Variants in RAPGEF2 observed in about 807,000 individuals in gnomAD.
RAPGEF2 encodes PDZ domain containing guanine nucleotide exchange factor (GEF) 1.
RAPGEF2 carries 54 observed loss-of-function variants against 186.7 expected under a neutral mutation model. The observed-to-expected ratio is 0.29, with a 90% CI of 0.23 to 0.36. The LOEUF is 0.36. RAPGEF2 is among the 10% of genes least tolerant of loss of function. The pLI, the probability that RAPGEF2 is intolerant of heterozygous loss-of-function variation, is 1.00. For synonymous variants in RAPGEF2, 712 were observed against 705.9 expected (o/e 1.01, Z -0.14); for missense variants, 1,532 against 2,045.0 (o/e 0.75, Z 4.84).
intron 1 of RAPGEF2, among the ~76,000 whole-genome samples, chr4:159,181,382 C>A (rs1282189730): frequency 6.6e-6 from 1 of 152,060 alleles, no homozygotes; most frequent in African/African-American, 2.4e-5. Context: ...TCCAGATACA[C>A]TTTTCTGGTC....
chr4:159,286,484 AGAT>A (rs2110927558), intron 7 of RAPGEF2, among the ~76,000 whole-genome samples: 1 of 152,310 alleles, frequency 6.6e-6, no homozygotes, highest in South Asian at 2.1e-4. Context: ...TATAAAATGT[AGAT>A]CAAACTGTTA....
chr4:159,263,800 TAGAA>T (rs1757137635), intron 7 of RAPGEF2, among the ~76,000 whole-genome samples: 1 of 152,124 alleles, frequency 6.6e-6, no homozygotes. Flanking sequence ...TCATAGTAAT[TAGAA>T]AGTGAATACT....
At chr4:159,215,665 AAAC>A (rs924022465) in intron 4 of RAPGEF2, among the ~76,000 whole-genome samples, 1 of 152,258 alleles carries the variant, frequency 6.6e-6, no homozygotes, top group African/African-American at 2.4e-5. Flanking sequence ...ATTTAATCAT[AAAC>A]AACATCTTTA....
At chr4:159,164,270 CT>C (rs1745052976) in intron 1 of RAPGEF2, among the ~76,000 whole-genome samples, 9 of 150,296 alleles carry the variant, frequency 6.0e-5, no homozygotes, top group Admixed American at 6.0e-4. Context: ...TCCCAAAGTG[CT>C]GGGATTACAG....
intron 1 of RAPGEF2, among the ~76,000 whole-genome samples, chr4:159,113,773 T>C (rs929758433): frequency 6.6e-6 from 1 of 151,424 alleles, no homozygotes; most frequent in African/African-American, 2.4e-5. Flanking sequence ...TATCTTTTTT[T>C]CCAGTTTAAT....
intron 1 of RAPGEF2, among the ~76,000 whole-genome samples, chr4:159,175,671 G>A (rs918095097): frequency 2.0e-5 from 3 of 152,146 alleles, no homozygotes; most frequent in African/African-American, 7.2e-5. Flanking sequence ...CGAGACCGGC[G>A]ACTGCTTTTG....
rs28401744 is a variant in RAPGEF2, at chr4:159,349,587, T to C, written c.3713-550T>C. ...CCGCCCTTCTCTTTCATCTGTTTAC[T>C]TGATCAAGTATTAACTGCATGGAAT... On this transcript the variant is annotated intron_variant, in intron 25 of 29. Coordinates refer to ENST00000691494, the MANE Select transcript of RAPGEF2 (RefSeq NM_001394067.2). Among the ~76,000 whole-genome samples, 1,108 of 152,334 alleles carry C rather than the reference T, an allele frequency of 7.3e-3. 11 individuals are homozygous for C. Among genetic ancestry groups the C allele is most frequent in the African/African-American group, 0.025 (1,047 of 41,566 alleles).
At chr4:159,340,134 A>G (rs2111254192) in intron 19 of RAPGEF2, among the ~76,000 whole-genome samples, 1 of 152,302 alleles carries the variant, frequency 6.6e-6, no homozygotes, top group Non-Finnish European at 1.5e-5. Flanking sequence ...AGTTCCATAA[A>G]TCATATTTTT....
intron 3 of RAPGEF2, among the ~76,000 whole-genome samples, chr4:159,207,616 A>C (rs1352118625): frequency 1.3e-5 from 2 of 152,226 alleles, no homozygotes; most frequent in Admixed American, 1.3e-4. Flanking sequence ...TAATCCTTGC[A>C]GCAGCCTAGT....
intron 4 of RAPGEF2, among the ~76,000 whole-genome samples, chr4:159,226,762 A>G (rs1433433040): frequency 6.6e-6 from 1 of 152,120 alleles, no homozygotes; most frequent in Non-Finnish European, 1.5e-5. Context: ...ACTTCAGTCT[A>G]TAAGGGAGAG....
At chr4:159,219,347 CTTTTTTTTTTTTT>C (rs70962664) in intron 4 of RAPGEF2, among the ~76,000 whole-genome samples, 3 of 81,420 alleles carry the variant, frequency 3.7e-5, no homozygotes, top group East Asian at 3.0e-4. Context: ...CAACTGTATC[CTTTTTTTTTTTTT>C]TTTTTTTTTT....
At chr4:159,113,400 G>GT (rs916117969) in intron 1 of RAPGEF2, among the ~76,000 whole-genome samples, 11 of 151,904 alleles carry the variant, frequency 7.2e-5, no homozygotes, top group Non-Finnish European at 1.2e-4. Flanking sequence ...AGCTTTTGAA[G>GT]TTTTTTTTGT....
Position 159,255,470 on chromosome 4 carries a change from C to T in RAPGEF2, c.543+11679C>T, listed in dbSNP as rs149568040. On this transcript the variant is annotated intron_variant, in intron 7 of 29. Coordinates refer to ENST00000691494, the MANE Select transcript of RAPGEF2 (RefSeq NM_001394067.2). The stretch of plus-strand genomic sequence containing the variant: ...CCTTGTTACCACAAAGTGTGATTGG[C>T]AACTCATGACTGTGCTCTGACATTC... 8.0e-3 allele frequency among the ~76,000 whole-genome samples: 1,215 copies of T among 152,052 alleles called. 15 individuals are homozygous for T. The highest frequency in any genetic ancestry group is 0.028 in the African/African-American group (1,141 of 41,470).
Position 159,131,524 on chromosome 4 carries a change from T to TGG in RAPGEF2, c.69+27293_69+27294insGG, listed in dbSNP as rs1202139254. Among the ~76,000 whole-genome samples, 41 of 147,714 alleles carry TGG rather than the reference T, an allele frequency of 2.8e-4. 5 individuals are homozygous for TGG. Among genetic ancestry groups the TGG allele is most frequent in the African/African-American group, 1.0e-3 (40 of 40,088 alleles). On this transcript the variant is annotated intron_variant, in intron 1 of 29. Transcript: ENST00000691494. ...TCTTTGTCTGATTAATTGCTATTTT[T>TGG]TTTTTTTTTTTTTTTTTTTTTTAGC...
At position 159,258,313 on chromosome 4, in the gene RAPGEF2, CAT is replaced by C. The variant is rs376676428; in HGVS notation, c.543+14523_543+14524del. ...ATATTGAATGCTGTTATCTTAAACT[CAT>C]GTGGCTGTATTGGTAGGCTGACTTT... On this transcript the variant is annotated intron_variant, in intron 7 of 29. Transcript: ENST00000691494. 3.4e-3 allele frequency among the ~76,000 whole-genome samples: 513 copies of C among 152,258 alleles called. 4 individuals carry two copies. The highest frequency in any genetic ancestry group is 0.012 in the African/African-American group (493 of 41,538).
At chr4:159,179,109 A>C (rs1746758057) in intron 1 of RAPGEF2, among the ~76,000 whole-genome samples, 1 of 152,202 alleles carries the variant, frequency 6.6e-6, no homozygotes, top group South Asian at 2.1e-4. Flanking sequence ...GGTAAAACGA[A>C]AGACTTATTG....
intron 7 of RAPGEF2, among the ~76,000 whole-genome samples, chr4:159,299,410 C>A (rs1762387092): frequency 6.7e-6 from 1 of 148,728 alleles, no homozygotes; most frequent in Admixed American, 6.8e-5. Flanking sequence ...TATCTTGGAC[C>A]ATGAAACTCT....
At chr4:159,124,557 A>G (rs1053280059) in intron 1 of RAPGEF2, among the ~76,000 whole-genome samples, 9 of 152,122 alleles carry the variant, frequency 5.9e-5, no homozygotes, top group Non-Finnish European at 1.2e-4. Context: ...AAAAAATTTA[A>G]TAAGTCTTCT....
At chr4:159,348,090 G>A (rs963879428) in intron 25 of RAPGEF2, among the ~76,000 whole-genome samples, 14 of 152,044 alleles carry the variant, frequency 9.2e-5, no homozygotes, top group African/African-American at 1.9e-4. Context: ...GCGTGATGGC[G>A]CATGCCTGCA....
Sources: gnomAD v4.1 joint callset for allele counts (sites outside exome capture counted in the v4.1 genomes callset) on GRCh38, gnomAD v4.1.1 for gene constraint, MANE v1.5 for transcripts, NCBI Gene and HGNC (gene_info 2026-07-23, HGNC 2026-07-21) for gene names.